The following PRKN variants were observed in gnomAD, a reference collection of about 807,000 sequenced individuals.
PRKN encodes E3 ubiquitin-protein ligase parkin.
In PRKN, 56 loss-of-function variants were observed where a neutral mutation model predicts 59.5. The ratio of observed to expected loss-of-function variants is 0.94; its 90% CI spans 0.76 to 1.18. The LOEUF (loss-of-function observed/expected upper bound fraction) is 1.18. Ranked by LOEUF, PRKN falls within the 50% of genes most tolerant of loss-of-function variation. The pLI is 0.00. For synonymous variants in PRKN, 250 were observed against 222.1 expected, an observed-to-expected ratio of 1.13 and a Z score of -1.12; for missense variants, 657 against 596.4, an observed-to-expected ratio of 1.10 and a Z score of -1.06.
At chr6:162,464,035 T>G (rs1268892158) in intron 1 of PRKN, among the ~76,000 whole-genome samples, 8 of 152,190 alleles carry the variant, frequency 5.3e-5, no homozygotes, top group South Asian at 2.1e-4. Context: ...TGCCCTGACC[T>G]TTTTTTGAGA....
At chr6:162,410,499 G>C (rs7739680) in intron 2 of PRKN, among the ~76,000 whole-genome samples, 48,448 of 152,020 alleles carry the variant, frequency 0.32, 7,946 homozygotes, top group East Asian at 0.57. Context: ...AATTTCGCTC[G>C]ACTGAAAGCA....
chr6:161,484,440 G>C lies in PRKN; in HGVS notation c.1083+64414C>G, dbSNP rs1225213670. On this transcript the variant is annotated intron_variant, in intron 9 of 11. Transcript: ENST00000366898. This position sits in a 1 kb window ranked among gnomAD's most constrained non-coding sequence, Gnocchi z 4.9. The stretch of plus-strand genomic sequence containing the variant: ...GATGCACTGGGTACGTTACGTGTTA[G>C]GGAGCGTCCCAAGTGCTTAGTAAGC... Among the ~76,000 whole-genome samples, 1 of 152,136 alleles carries C rather than the reference G, an allele frequency of 6.6e-6. No homozygotes were observed. The highest frequency in any genetic ancestry group is 1.5e-5 in the Non-Finnish European group (1 of 68,034).
intron 1 of PRKN, among the ~76,000 whole-genome samples, chr6:162,638,340 C>T (rs1375433711): frequency 6.6e-6 from 1 of 152,112 alleles, no homozygotes; most frequent in Non-Finnish European, 1.5e-5. Context: ...TCTGTGCCAA[C>T]TCATTGTAAA....
At position 161,549,128 on chromosome 6, in the gene PRKN, G is replaced by A; in HGVS notation, c.934-125C>T. ...TCAGTAAAATAATGCATGTGTGTGT[G>A]TGTGTGTGTGTGTAGGGGGAGGGAG... is the stretch of plus-strand genomic sequence containing the variant. On this transcript the variant is annotated intron_variant, in intron 8 of 11. Coordinates refer to ENST00000366898, the MANE Select transcript of PRKN (RefSeq NM_004562.3). The surrounding 1 kb of genome is among the most constrained non-coding windows in gnomAD (Gnocchi z 6.0). The A allele has an allele frequency of 1.0e-6, 1 of 958,162 alleles. No individual in the cohort carries two copies. Among genetic ancestry groups the A allele is most frequent in the Non-Finnish European group, 1.6e-6 (1 of 608,932 alleles). The allele number at this position is 958,162 out of a possible 1,614,324, so 59.4% of individuals were successfully genotyped here.
chr6:162,269,194 G>A (rs187905301), intron 2 of PRKN, among the ~76,000 whole-genome samples: 2 of 152,214 alleles, frequency 1.3e-5, no homozygotes, highest in Admixed American at 6.5e-5. Flanking sequence ...CACTTATCAC[G>A]TCGTATTGTA....
intron 2 of PRKN, among the ~76,000 whole-genome samples, chr6:162,430,224 G>A (rs892756155): frequency 6.6e-6 from 1 of 152,062 alleles, no homozygotes; most frequent in Non-Finnish European, 1.5e-5. Flanking sequence ...ACATCATGGG[G>A]TGTTACAACG....
At position 162,510,869 on chromosome 6, in the gene PRKN, G is replaced by A. The variant is rs1440400045; in HGVS notation, c.8-67396C>T. ...TCCCAGAAAGCAGAGGTTGCGGTGA[G>A]CCGAGATTGTGCCACTGCACTCCAC... On this transcript the variant is annotated intron_variant, in intron 1 of 11. Coordinates refer to ENST00000366898, the MANE Select transcript of PRKN (RefSeq NM_004562.3). Among the ~76,000 whole-genome samples, 3 of 152,096 alleles carry A rather than the reference G, an allele frequency of 2.0e-5. No homozygotes were observed. In the East Asian group the frequency reaches 5.8e-4, roughly 29 times the overall value.
chr6:162,471,504 T>G (rs527840919), intron 1 of PRKN, among the ~76,000 whole-genome samples: 12 of 152,322 alleles, frequency 7.9e-5, no homozygotes, highest in Admixed American at 6.5e-4. Flanking sequence ...TCCTTTCCTT[T>G]CTAACCTGTG....
At chr6:161,745,780 C>T (rs1281563919) in intron 7 of PRKN, among the ~76,000 whole-genome samples, 1 of 152,206 alleles carries the variant, frequency 6.6e-6, no homozygotes, top group Non-Finnish European at 1.5e-5. Context: ...TCTCTAACAG[C>T]CCGACTGGAA....
intron 6 of PRKN, among the ~76,000 whole-genome samples, chr6:161,904,440 C>T (rs973949792): frequency 6.6e-6 from 1 of 151,424 alleles, no homozygotes; most frequent in African/African-American, 2.4e-5. Context: ...CTCAGCCTCC[C>T]GAGTAGCTGG....
chr6:162,291,399 G>T, intron 2 of PRKN, among the ~76,000 whole-genome samples: 1 of 139,886 alleles, frequency 7.1e-6, no homozygotes, highest in Admixed American at 7.1e-5. Context: ...TCACAAGAGG[G>T]ATGGGTGGGA....
intron 10 of PRKN, among the ~76,000 whole-genome samples, chr6:161,380,863 C>G (rs934135451): frequency 1.3e-5 from 2 of 152,168 alleles, no homozygotes; most frequent in African/African-American, 4.8e-5. Context: ...CCATTGGGCT[C>G]ACATTTCTGC....
At chr6:162,286,924 T>C (rs1441960707) in intron 2 of PRKN, among the ~76,000 whole-genome samples, 1 of 152,220 alleles carries the variant, frequency 6.6e-6, no homozygotes, top group African/African-American at 2.4e-5. Flanking sequence ...TAAAACCACG[T>C]TGAACTGCTT....
intron 9 of PRKN, among the ~76,000 whole-genome samples, chr6:161,507,793 A>G (rs1778230416): frequency 6.6e-6 from 1 of 152,184 alleles, no homozygotes; most frequent in East Asian, 1.9e-4. Flanking sequence ...AACATTCAGT[A>G]AACTATATTT....
chr6:162,693,439 T>C (rs1440807063), intron 1 of PRKN, among the ~76,000 whole-genome samples: 1 of 152,214 alleles, frequency 6.6e-6, no homozygotes, highest in Non-Finnish European at 1.5e-5. Flanking sequence ...CCTCTTCACA[T>C]GGTTTTGGGC....
rs151076706 is a variant in PRKN at position 162,152,388 on chromosome 6, G to C, written c.534+48743C>G. On this transcript the variant is annotated intron_variant, in intron 4 of 11. Coordinates refer to ENST00000366898, the MANE Select transcript of PRKN (RefSeq NM_004562.3). ...ACCCTTCCTGAATAGCCTACCTCAA[G>C]CTCACCAGGCCCACTCAGCCACATC... Among the ~76,000 whole-genome samples, 581 of 152,226 alleles carry C rather than the reference G, an allele frequency of 3.8e-3. 4 individuals are homozygous for C. The highest frequency in any genetic ancestry group is 0.014 in the Middle Eastern group (4 of 294).
chr6:161,490,346 TCTCTCTCTCTCTCC>T (rs1429025757), intron 9 of PRKN, among the ~76,000 whole-genome samples: 6 of 150,690 alleles, frequency 4.0e-5, no homozygotes, highest in Non-Finnish European at 4.4e-5. Context: ...GCTTTCTCTC[TCTCTCTCTCTCTCC>T]CTCTCTCTCT....
chr6:162,295,679 G>C (rs1781637027), intron 2 of PRKN, among the ~76,000 whole-genome samples: 1 of 152,198 alleles, frequency 6.6e-6, no homozygotes, highest in Non-Finnish European at 1.5e-5. Flanking sequence ...TTTCCTGTCT[G>C]TCTTCTCTTG....
At position 162,533,287 on chromosome 6, in the gene PRKN, G is replaced by C. The variant is rs574484983; in HGVS notation, c.8-89814C>G. Among the ~76,000 whole-genome samples the C allele has an allele frequency of 2.1e-3, 317 of 152,324 alleles. 3 individuals carry two copies. Among genetic ancestry groups the C allele is most frequent in the South Asian group, 4.6e-3 (22 of 4,826 alleles). ...GCCTATAATCCCAGCACTTTGGGAGGCCAAGGTGGGTGGGTCAGTTGAGGT... is the reference window on the plus strand; with the variant it reads ...GCCTATAATCCCAGCACTTTGGGAGCCCAAGGTGGGTGGGTCAGTTGAGGT... On this transcript the variant is annotated intron_variant, in intron 1 of 11. Transcript: ENST00000366898.
Sources: allele counts gnomAD v4.1 joint callset (sites outside exome capture counted in the v4.1 genomes callset), GRCh38; gene constraint gnomAD v4.1.1; non-coding constraint Gnocchi (gnomAD v3.1); transcripts MANE v1.5; gene names NCBI Gene and HGNC (gene_info 2026-07-23, HGNC 2026-07-21).